The following SH3RF2 variants were observed in gnomAD, a reference collection of about 807,000 sequenced individuals.
The protein encoded by SH3RF2 is E3 ubiquitin-protein ligase SH3RF2.
SH3RF2 carries 43 observed loss-of-function variants against 59.0 expected under a neutral mutation model. The ratio of observed to expected loss-of-function variants is 0.73; its 90% CI spans 0.57 to 0.94. The LOEUF (loss-of-function observed/expected upper bound fraction) is 0.94. Ranked by LOEUF, SH3RF2 falls within the 40% of genes least tolerant of loss-of-function variation. The pLI is 0.00. For synonymous variants in SH3RF2, 391 were observed against 391.5 expected (o/e 1.00, Z 0.01); for missense variants, 930 against 940.1 (o/e 0.99, Z 0.14).
chr5:146,064,744 AAGGAAGGAAGGAAGGAAGG>A (rs1561773511), downstream of SH3RF2, among the ~76,000 whole-genome samples: 30 of 7,196 alleles, frequency 4.2e-3, 1 homozygote, highest in African/African-American at 6.4e-3. Flanking sequence ...GGAAGGAAGG[AAGGAAGGAAGGAAGGAAGG>A]AAGGAAGGAA....
chr5:146,015,805 T>A (rs166047), intron 5 of SH3RF2, among the ~76,000 whole-genome samples: 43,059 of 152,180 alleles, frequency 0.28, 7,731 homozygotes, highest in Non-Finnish European at 0.38. Flanking sequence ...CATTCACACA[T>A]CCGATGACCA....
At chr5:146,059,376 CAG>C (rs1404725442) in intron 8 of SH3RF2, among the ~76,000 whole-genome samples, 1 of 152,044 alleles carries the variant, frequency 6.6e-6, no homozygotes, top group Non-Finnish European at 1.5e-5. Context: ...AGTCGCTGGG[CAG>C]AGTTTTCCTC....
At chr5:146,012,490 T>C (rs2149992279) in intron 4 of SH3RF2, among the ~76,000 whole-genome samples, 2 of 152,326 alleles carry the variant, frequency 1.3e-5, no homozygotes, top group Admixed American at 1.3e-4. Context: ...ATCTGTCTGG[T>C]CCTGGACTTT....
chr5:145,997,409 C>A, intron 2 of SH3RF2: 1 of 1,300,164 alleles, frequency 7.7e-7, no homozygotes, highest in Non-Finnish European at 1.1e-6. Flanking sequence ...CTTCCATCTA[C>A]ACTGCAACTG....
intron 8 of SH3RF2, 42 bp downstream of exon 8, chr5:146,056,255 G>T: frequency 6.2e-7 from 1 of 1,613,014 alleles, no homozygotes; most frequent in Non-Finnish European, 8.5e-7. Flanking sequence ...GCTAAGTGAT[G>T]GGGGGAATCT....
rs1762404752 is a variant in SH3RF2, at chr5:146,049,170, G to T, written c.1247G>T (p.Gly416Val). ...GVRVLGKCQD[G>V]WLRGVSLVTG... ...AGGGTCCTGGGGAAGTGCCAGGACG[G>T]CTGGCTCAGGGGCGTCTCCTTGGTC... Residue 416 changes from glycine (G) to valine (V), a missense_variant, in exon 7 of 10, where the codon GGC becomes GTC. By Grantham distance (109) the Gly-to-Val change is moderately radical. Transcript: ENST00000359120. 1 of 1,614,144 alleles carries T rather than the reference G, an allele frequency of 6.2e-7. No individual in the cohort carries two copies. Among genetic ancestry groups the T allele is most frequent in the Non-Finnish European group, 8.5e-7 (1 of 1,180,012 alleles).
At chr5:145,977,484 T>C (rs1343230276) in intron 2 of SH3RF2, among the ~76,000 whole-genome samples, 1 of 152,216 alleles carries the variant, frequency 6.6e-6, no homozygotes, top group African/African-American at 2.4e-5. Context: ...CTCTGTAGGC[T>C]GAATTCAGCC....
At chr5:146,014,319 C>T (rs1355232389) in intron 5 of SH3RF2, among the ~76,000 whole-genome samples, 1 of 152,114 alleles carries the variant, frequency 6.6e-6, no homozygotes, top group East Asian at 1.9e-4. Flanking sequence ...AACAACTTAT[C>T]CAAATTCTCA....
chr5:145,944,355 T>TA lies in SH3RF2; in HGVS notation c.378+6052dup, dbSNP rs1554108903. ...CTTTTCCCTTTTTTTTTTTTTTTTT[T>TA]AAATTATGCTTTAGAGACAGGGTCT... On this transcript the variant is annotated intron_variant, in intron 2 of 9. Coordinates refer to ENST00000359120, the MANE Select transcript of SH3RF2 (RefSeq NM_152550.4). Among the ~76,000 whole-genome samples, 79 of 147,716 alleles carry TA rather than the reference T, an allele frequency of 5.3e-4. 2 individuals are homozygous for TA. The South Asian group carries it at 0.011, about 21-fold the overall frequency.
chr5:146,040,832 T>A (rs1406456260), intron 5 of SH3RF2, among the ~76,000 whole-genome samples: 1 of 152,116 alleles, frequency 6.6e-6, no homozygotes, highest in African/African-American at 2.4e-5. Context: ...GAAGGGCTGA[T>A]AGCCTCCTGG....
chr5:145,994,434 A>G (rs887076733), intron 2 of SH3RF2, among the ~76,000 whole-genome samples: 3 of 152,174 alleles, frequency 2.0e-5, no homozygotes, highest in African/African-American at 4.8e-5. Flanking sequence ...CATGTTACTG[A>G]TAAAGACATG....
chr5:146,079,354 T>C (rs1763390386), exon 10 of SH3RF2: 2 of 152,204 alleles, frequency 1.3e-5, no homozygotes, highest in South Asian at 4.1e-4. Context: ...CAAGAGACAT[T>C]GCTCACATAA....
At chr5:146,005,354 G>A (rs1252015902) in intron 4 of SH3RF2, among the ~76,000 whole-genome samples, 2 of 152,176 alleles carry the variant, frequency 1.3e-5, no homozygotes, top group Non-Finnish European at 2.9e-5. Context: ...TTAAAAATGA[G>A]TAGTAGAAAG....
At chr5:145,971,419 G>C (rs1759075496) in intron 2 of SH3RF2, among the ~76,000 whole-genome samples, 1 of 152,216 alleles carries the variant, frequency 6.6e-6, no homozygotes, top group African/African-American at 2.4e-5. Context: ...CTCCCTACCT[G>C]TGGGCATTTC....
In SH3RF2 at chr5:145,982,034, C is replaced by A. The variant is rs1271494131; in HGVS notation, c.379-18024C>A. 4.4e-4 allele frequency among the ~76,000 whole-genome samples: 67 copies of A among 152,224 alleles called. 2 individuals carry two copies. The highest frequency in any genetic ancestry group is 9.8e-4 in the Non-Finnish European group (67 of 68,042). ...AGTAACTAATGTGTGGTAGACTCTA[C>A]TTCTGCCTGTTTTAAGTGGCAGTGG... On this transcript the variant is annotated intron_variant, in intron 2 of 9. Transcript: ENST00000359120.
At chr5:146,073,383 T>C (rs1763275377) in intron 9 of SH3RF2, among the ~76,000 whole-genome samples, 1 of 152,238 alleles carries the variant, frequency 6.6e-6, no homozygotes, top group South Asian at 2.1e-4. Context: ...ACACAGTTTA[T>C]GAAATGTCCA....
At chr5:145,953,715 C>T (rs1758283561) in intron 2 of SH3RF2, among the ~76,000 whole-genome samples, 1 of 152,168 alleles carries the variant, frequency 6.6e-6, no homozygotes, top group Non-Finnish European at 1.5e-5. Flanking sequence ...CTCCTATCCT[C>T]CACCTTCGAG....
At chr5:146,055,127 A>G (rs995214871) in intron 7 of SH3RF2, among the ~76,000 whole-genome samples, 2 of 152,262 alleles carry the variant, frequency 1.3e-5, no homozygotes, top group African/African-American at 4.8e-5. Context: ...TTAAAGTCTT[A>G]TGGAGGCATG....
intron 9 of SH3RF2, among the ~76,000 whole-genome samples, chr5:146,073,544 C>T (rs973223428): frequency 6.6e-6 from 1 of 152,226 alleles, no homozygotes; most frequent in Admixed American, 6.5e-5. Flanking sequence ...CCCCGCTGGG[C>T]GTCCATTATG....
Sources: allele counts gnomAD v4.1 joint callset (sites outside exome capture counted in the v4.1 genomes callset), GRCh38; gene constraint gnomAD v4.1.1; transcripts MANE v1.5; gene names NCBI Gene and HGNC (gene_info 2026-07-23, HGNC 2026-07-21).